Variants in USH2A observed in about 807,000 individuals in gnomAD.
USH2A encodes usherin, also known as Usher syndrome 2A (autosomal recessive, mild).
Under a neutral mutation model 538.9 loss-of-function variants are expected in USH2A, and 443 were observed. The observed-to-expected ratio is 0.82, with a 90% CI of 0.76 to 0.89. USH2A has a LOEUF of 0.89. USH2A is among the 40% of genes least tolerant of loss of function. The pLI is 0.00. For missense variants in USH2A, 6,633 were observed against 6,324.8 expected (o/e 1.05, Z -1.65); for synonymous variants, 2,413 against 2,273.5 (o/e 1.06, Z -1.75).
intron 13 of USH2A, 67 bp from the exon 14 acceptor site, chr1:216,232,203 A>G (rs1451870397): frequency 1.7e-5 from 25 of 1,506,192 alleles, no homozygotes; most frequent in Non-Finnish European, 2.2e-5. Context: ...AAGCATAATA[A>G]TTGATTACAC....
At chr1:215,628,315 C>T (rs1310345854) in intron 71 of USH2A, among the ~76,000 whole-genome samples, 1 of 151,980 alleles carries the variant, frequency 6.6e-6, no homozygotes, top group East Asian at 1.9e-4. Context: ...GAGATGGAGT[C>T]TCTGTCACCC....
chr1:215,634,515 G>A lies in USH2A; in HGVS notation c.15241C>T (p.Pro5081Ser). The change falls in exon 70 of 72, where the codon CCT (proline) becomes TCT (serine). Residue 5081 changes from proline (P) to serine (S), a missense_variant. Pro to Ser is a moderately conservative substitution (Grantham distance 74). Transcript: ENST00000307340. ...AATGGAGACATCCTCTTCTGAAGAGGTACCAAGGGAGGTCTTTCTCTGATA... is the reference window on the plus strand; with the variant it reads ...AATGGAGACATCCTCTTCTGAAGAGATACCAAGGGAGGTCTTTCTCTGATA... The part of the protein sequence containing the change: ...PYIRERPPLV[P>S]LQKRMSPLNV... 6.2e-7 allele frequency: 1 copy of A among 1,614,184 alleles called. No individual in the cohort carries two copies. The highest frequency in any genetic ancestry group is 8.5e-7 in the Non-Finnish European group (1 of 1,180,032).
At chr1:216,072,812 A>C in intron 29 of USH2A, 77 bp downstream of exon 29, 1 of 1,362,714 alleles carries the variant, frequency 7.3e-7, no homozygotes, top group South Asian at 1.2e-5. Flanking sequence ...TCAGGGTAAT[A>C]GTCCTTCCTT....
intron 27 of USH2A, among the ~76,000 whole-genome samples, chr1:216,075,495 T>C (rs1242421747): frequency 6.6e-6 from 1 of 152,190 alleles, no homozygotes; most frequent in East Asian, 1.9e-4. Context: ...CCTGGGCCTC[T>C]AAATGCCTAA....
chr1:215,869,774 T>G (rs193204978), intron 43 of USH2A, among the ~76,000 whole-genome samples: 1 of 152,224 alleles, frequency 6.6e-6, no homozygotes, highest in Non-Finnish European at 1.5e-5. Flanking sequence ...ATGTTTGTGG[T>G]TCTTTCCTAC....
At position 215,934,691 on chromosome 1, in the gene USH2A, T is replaced by A; in HGVS notation, c.7225A>T (p.Thr2409Ser). Residue 2409 changes from threonine to serine, a missense_variant, in exon 38 of 72, where the codon ACT (threonine) becomes TCT (serine). By Grantham distance (58) the Thr-to-Ser change is moderately conservative. Transcript: ENST00000307340. ...IDGLVPFTNY[T>S]VQVNISNSQG... ...CTATTTGAAATATTCACTTGTACAG[T>A]ATAGTTGGTAAAAGGAACCAGCCCA... is the stretch of plus-strand genomic sequence containing the variant. 6.2e-7 allele frequency: 1 copy of A among 1,612,854 alleles called. No individual in the cohort carries two copies. Among genetic ancestry groups the A allele is most frequent in the Admixed American group, 1.7e-5 (1 of 59,886 alleles).
intron 58 of USH2A, among the ~76,000 whole-genome samples, chr1:215,750,143 A>G (rs1276741165): frequency 6.6e-6 from 1 of 152,178 alleles, no homozygotes; most frequent in African/African-American, 2.4e-5. Flanking sequence ...GTTTCAAAAC[A>G]CTTGGTTGCA....
intron 20 of USH2A, among the ~76,000 whole-genome samples, chr1:216,176,348 G>A (rs2034381884): frequency 6.6e-6 from 1 of 151,886 alleles, no homozygotes; most frequent in Non-Finnish European, 1.5e-5. Flanking sequence ...CAATCTTCCT[G>A]TCTCAGCCTC....
At chr1:216,240,471 G>C (rs930420993) in intron 13 of USH2A, among the ~76,000 whole-genome samples, 1 of 151,198 alleles carries the variant, frequency 6.6e-6, no homozygotes, top group Admixed American at 6.6e-5. Flanking sequence ...TAGGCAAAAG[G>C]GTCCACTGAG....
intron 3 of USH2A, among the ~76,000 whole-genome samples, chr1:216,398,018 A>T (rs1044986755): frequency 6.6e-6 from 1 of 152,220 alleles, no homozygotes; most frequent in African/African-American, 2.4e-5. Context: ...TTTGACAAGC[A>T]TATCTTCTCT....
intron 37 of USH2A, among the ~76,000 whole-genome samples, chr1:215,953,959 A>G (rs1274336601): frequency 8.5e-5 from 13 of 152,236 alleles, no homozygotes; most frequent in Non-Finnish European, 1.9e-4. Flanking sequence ...GGACACATGA[A>G]AAAATGCTCA....
chr1:216,135,603 T>C (rs1278268514), intron 21 of USH2A, among the ~76,000 whole-genome samples: 1 of 152,128 alleles, frequency 6.6e-6, no homozygotes, highest in Non-Finnish European at 1.5e-5. Flanking sequence ...ACTGTTATAC[T>C]GTACAATTAG....
At chr1:216,239,826 GGTAAAATCA>G (rs940237455) in intron 13 of USH2A, among the ~76,000 whole-genome samples, 1 of 152,022 alleles carries the variant, frequency 6.6e-6, no homozygotes, top group African/African-American at 2.4e-5. Context: ...TATACTTGAA[GGTAAAATCA>G]GCAGAATTGG....
At chr1:216,383,697 C>T (rs1571764498) in intron 3 of USH2A, among the ~76,000 whole-genome samples, 2 of 151,922 alleles carry the variant, frequency 1.3e-5, no homozygotes, top group South Asian at 2.1e-4. Flanking sequence ...GTTTGTTTTG[C>T]GAGAGGATCT....
intron 4 of USH2A, among the ~76,000 whole-genome samples, chr1:216,339,026 T>G (rs2038026170): frequency 6.6e-6 from 1 of 151,634 alleles, no homozygotes; most frequent in Non-Finnish European, 1.5e-5. Flanking sequence ...GTGCTTTTTC[T>G]GTGCAAATTC....
intron 3 of USH2A, among the ~76,000 whole-genome samples, chr1:216,391,710 C>T (rs559920247): frequency 3.9e-5 from 6 of 152,160 alleles, no homozygotes; most frequent in Admixed American, 6.5e-5. Context: ...TGCATAAACT[C>T]TGCATTTTAC....
intron 21 of USH2A, among the ~76,000 whole-genome samples, chr1:216,155,882 T>C (rs1481151462): frequency 6.6e-6 from 1 of 152,170 alleles, no homozygotes; most frequent in Non-Finnish European, 1.5e-5. Context: ...TTTGCAGACA[T>C]TCTATAAATA....
chr1:215,688,840 A>C (rs1658514026), intron 61 of USH2A, among the ~76,000 whole-genome samples: 1 of 151,986 alleles, frequency 6.6e-6, no homozygotes, highest in African/African-American at 2.4e-5. Flanking sequence ...CAGTGTATGC[A>C]TTTTGGGAGG....
intron 20 of USH2A, among the ~76,000 whole-genome samples, chr1:216,178,937 C>T (rs916667229): frequency 1.3e-5 from 2 of 152,130 alleles, no homozygotes; most frequent in African/African-American, 4.8e-5. Flanking sequence ...ACAAATTATA[C>T]ATATTTGGTG....
Sources: gnomAD v4.1 joint callset for allele counts (sites outside exome capture counted in the v4.1 genomes callset) on GRCh38, gnomAD v4.1.1 for gene constraint, MANE v1.5 for transcripts, NCBI Gene and HGNC (gene_info 2026-07-23, HGNC 2026-07-21) for gene names.